Variants in ANXA10 observed in about 807,000 individuals in gnomAD.
The protein encoded by ANXA10 is annexin A10.
In ANXA10, 49 loss-of-function variants were observed where a neutral mutation model predicts 53.5. The observed-to-expected ratio is 0.92, with a 90% CI of 0.73 to 1.16. The LOEUF (loss-of-function observed/expected upper bound fraction) is 1.16. ANXA10 is among the 50% of genes most tolerant of loss of function. The probability of loss-of-function intolerance (pLI) is 0.00; values close to 1 mark genes in which losing one functional copy is unlikely to be tolerated. For missense variants in ANXA10, 393 were observed against 394.4 expected, an observed-to-expected ratio of 1.00 and a Z score of 0.03; for synonymous variants, 131 against 128.9, an observed-to-expected ratio of 1.02 and a Z score of -0.11.
chr4:168,165,389 CAAAAAA>C, intron 6 of ANXA10, 63 bp downstream of exon 6: 33 of 398,650 alleles, frequency 8.3e-5, no homozygotes, highest in South Asian at 3.2e-4. Context: ...ATGTCATTGC[CAAAAAA>C]AAAAAAAAAA....
In ANXA10 at chr4:168,092,653, G is replaced by T. The variant is rs1553995695; in HGVS notation, c.-48G>T. The T allele has an allele frequency of 6.4e-7, 1 of 1,557,740 alleles. No individual in the cohort carries two copies. The highest frequency in any genetic ancestry group is 1.2e-5 in the South Asian group (1 of 84,728). On this transcript the variant is annotated 5_prime_UTR_variant, in exon 1 of 12. It removes an upstream start codon present in the reference 5' UTR. Transcript: ENST00000359299. ...TGGCTTCACAGTGAAACAAGTTTATGCAATCGATCAAATATTTTCATCCCT... is the reference window on the plus strand; with the variant it reads ...TGGCTTCACAGTGAAACAAGTTTATTCAATCGATCAAATATTTTCATCCCT...
At chr4:168,121,865 A>G (rs1004432381) in intron 1 of ANXA10, among the ~76,000 whole-genome samples, 1 of 151,652 alleles carries the variant, frequency 6.6e-6, no homozygotes, top group Non-Finnish European at 1.5e-5. Flanking sequence ...TTTTTCTGAG[A>G]CGGAGTCTCA....
At chr4:168,181,569 C>A (rs1277662465) in intron 9 of ANXA10, 114 bp from the exon 10 acceptor site, 4 of 862,424 alleles carry the variant, frequency 4.6e-6, no homozygotes, top group Non-Finnish European at 7.7e-6. Flanking sequence ...AAGTGTTGAC[C>A]TTACAATACA....
At position 168,115,497 on chromosome 4, in the gene ANXA10, G is replaced by GCGCACACA. The variant is rs1245136318; in HGVS notation, c.19-12586_19-12585insGCACACAC. ...TTCCATCCCTCCCTACAATACACAC[G>GCGCACACA]CACACACACACACACACACACACAC... On this transcript the variant is annotated intron_variant, in intron 1 of 11. Coordinates refer to ENST00000359299, the MANE Select transcript of ANXA10 (RefSeq NM_007193.5). 8.1e-3 allele frequency among the ~76,000 whole-genome samples: 1,110 copies of GCGCACACA among 136,524 alleles called. 9 individuals carry two copies. The highest frequency in any genetic ancestry group is 0.026 in the Middle Eastern group (7 of 270). 89.6% of individuals were successfully genotyped at this position (136,524 alleles called of 152,430 possible).
chr4:168,119,229 C>T (rs943117421), intron 1 of ANXA10, among the ~76,000 whole-genome samples: 8 of 152,080 alleles, frequency 5.3e-5, no homozygotes, highest in Non-Finnish European at 4.4e-5. Context: ...AGTGTCAGCC[C>T]ATAAAACTAT....
intron 1 of ANXA10, among the ~76,000 whole-genome samples, chr4:168,109,093 TATAAAGGGACCA>T (rs1453373725): frequency 6.6e-6 from 1 of 152,212 alleles, no homozygotes; most frequent in African/African-American, 2.4e-5. Flanking sequence ...AAAACTGAAT[TATAAAGGGACCA>T]ATTTTAAAAT....
chr4:168,156,171 T>TTATATTA (rs1352004568), intron 3 of ANXA10, among the ~76,000 whole-genome samples: 1,957 of 31,204 alleles, frequency 0.063, 80 homozygotes, highest in Middle Eastern at 0.11. Context: ...ATTATATATA[T>TTATATTA]TATATTATAT....
rs752829627 is a variant in ANXA10 at position 168,164,289 on chromosome 4, G to A, written c.400+1G>A. The A allele has an allele frequency of 3.1e-5, 49 of 1,598,792 alleles. No individual in the cohort carries two copies. The highest frequency in any genetic ancestry group is 2.9e-4 in the South Asian group (26 of 90,620). ...CAGATGCGAGAAGCCTACTGCTTGC[G>A]TAAGGAAATATACATATGTGAATAT... On this transcript the variant is annotated splice_donor_variant, in intron 5 of 11. Coordinates refer to ENST00000359299, the MANE Select transcript of ANXA10 (RefSeq NM_007193.5). LOFTEE classifies it high-confidence loss of function.
At chr4:168,170,024 G>A (rs1731953888) in intron 6 of ANXA10, among the ~76,000 whole-genome samples, 1 of 152,172 alleles carries the variant, frequency 6.6e-6, no homozygotes, top group Admixed American at 6.6e-5. Flanking sequence ...GGATGTAATA[G>A]GGCAATCAAT....
At chr4:168,162,405 C>T in intron 3 of ANXA10, 123 bp from the exon 4 acceptor site, 1 of 710,004 alleles carries the variant, frequency 1.4e-6, no homozygotes, top group Non-Finnish European at 2.5e-6. Context: ...GTGAATCAGA[C>T]TTGTTATGCT....
chr4:168,121,035 A>G (rs1174977087), intron 1 of ANXA10, among the ~76,000 whole-genome samples: 2 of 152,120 alleles, frequency 1.3e-5, no homozygotes, highest in South Asian at 4.1e-4. Flanking sequence ...TTACTTTAAT[A>G]TAAAAGTTTT....
At chr4:168,123,092 G>A (rs1010663192) in intron 1 of ANXA10, among the ~76,000 whole-genome samples, 1 of 152,104 alleles carries the variant, frequency 6.6e-6, no homozygotes, top group African/African-American at 2.4e-5. Context: ...AGGAAACCAC[G>A]TAGGTTTTTG....
At chr4:168,112,611 A>G (rs551660599) in intron 1 of ANXA10, among the ~76,000 whole-genome samples, 36 of 152,248 alleles carry the variant, frequency 2.4e-4, no homozygotes, top group African/African-American at 8.7e-4. Flanking sequence ...TCCCATCTGT[A>G]TTTCTCCTTC....
At chr4:168,118,864 T>C (rs1730940807) in intron 1 of ANXA10, among the ~76,000 whole-genome samples, 1 of 152,186 alleles carries the variant, frequency 6.6e-6, no homozygotes, top group African/African-American at 2.4e-5. Context: ...AAAGTTATTA[T>C]TCATGTTTTT....
rs752209726 is a variant in ANXA10 at position 168,177,881 on chromosome 4, A to G, written c.535-9A>G. ...TCTGATGCTACTTCTCTGCTGGCTA[A>G]TGTTCCAGGTCCTATGGGAAGCCTG... is the stretch of plus-strand genomic sequence containing the variant. On this transcript the variant is annotated splice_polypyrimidine_tract_variant and intron_variant, in intron 7 of 11. Coordinates refer to ENST00000359299, the MANE Select transcript of ANXA10 (RefSeq NM_007193.5). The G allele has an allele frequency of 1.9e-6, 3 of 1,614,124 alleles. No individual in the cohort carries two copies. The highest frequency in any genetic ancestry group is 2.2e-5 in the South Asian group (2 of 91,076).
chr4:168,121,190 A>G (rs1730979874), intron 1 of ANXA10, among the ~76,000 whole-genome samples: 1 of 151,974 alleles, frequency 6.6e-6, no homozygotes, highest in East Asian at 1.9e-4. Flanking sequence ...TCTTTGAGTA[A>G]ACATATGTCT....
intron 3 of ANXA10, among the ~76,000 whole-genome samples, chr4:168,153,422 CAAAAAAAAAAAAAAA>C (rs61179704): frequency 6.9e-5 from 3 of 43,508 alleles, no homozygotes; most frequent in Admixed American, 4.1e-4. Context: ...AAGCCTAAAG[CAAAAAAAAAAAAAAA>C]AAAACAAAAA....
chr4:168,182,318 A>ATTTTTTTTTTTTTTTTTTTTTTTTTTTT (rs542260478), intron 10 of ANXA10, among the ~76,000 whole-genome samples: 2 of 49,754 alleles, frequency 4.0e-5, no homozygotes, highest in African/African-American at 2.1e-4. Flanking sequence ...TGGAGCATTA[A>ATTTTTTTTTTTTTTTTTTTTTTTTTTTT]TTTTTTTTTT....
intron 4 of ANXA10, among the ~76,000 whole-genome samples, chr4:168,163,816 T>G (rs1731825967): frequency 6.6e-6 from 1 of 152,146 alleles, no homozygotes; most frequent in South Asian, 2.1e-4. Context: ...TTAGAAAACC[T>G]GTATTCTAAT....
Sources: gnomAD v4.1 joint callset for allele counts (sites outside exome capture counted in the v4.1 genomes callset) on GRCh38, gnomAD v4.1.1 for gene constraint, MANE v1.5 for transcripts, NCBI Gene and HGNC (gene_info 2026-07-23, HGNC 2026-07-21) for gene names.